The following BTBD9 variants were observed in gnomAD, a reference collection of about 807,000 sequenced individuals.
BTBD9 encodes the protein BTB/POZ domain-containing protein 9.
Under a neutral mutation model 64.3 loss-of-function variants are expected in BTBD9, and 49 were observed. That is an observed-to-expected ratio of 0.76 (90% CI 0.61 to 0.97). The LOEUF (loss-of-function observed/expected upper bound fraction) is 0.97, where lower values mean the gene tolerates loss of function less well. Among genes scored for constraint, BTBD9 ranks in the 50% least tolerant of loss-of-function variants. The pLI, the probability that BTBD9 is intolerant of heterozygous loss-of-function variation, is 0.00. For synonymous variants in BTBD9, 260 were observed against 274.7 expected (o/e 0.95, Z 0.53); for missense variants, 598 against 762.1 (o/e 0.78, Z 2.53).
chr6:38,507,455 T>C (rs1772576574), intron 6 of BTBD9, among the ~76,000 whole-genome samples: 1 of 152,196 alleles, frequency 6.6e-6, no homozygotes, highest in Non-Finnish European at 1.5e-5. Context: ...AACAATTGCC[T>C]ATTCATGATT....
chr6:38,290,262 T>G lies in BTBD9; in HGVS notation c.1265-1801A>C, dbSNP rs116728256. On this transcript the variant is annotated intron_variant, in intron 7 of 10. Transcript: ENST00000481247. ...GCAACAAGTAAAAACACCGGTGAAA[T>G]TACCTGTAAGGACAGTTTCCTGGCA... Among the ~76,000 whole-genome samples the G allele has an allele frequency of 6.0e-3, 902 of 151,006 alleles. 11 individuals are homozygous for G. Among genetic ancestry groups the G allele is most frequent in the African/African-American group, 0.018 (752 of 41,106 alleles).
At chr6:38,605,609 G>T (rs114264893) in intron 1 of BTBD9, among the ~76,000 whole-genome samples, 122 of 152,206 alleles carry the variant, frequency 8.0e-4, no homozygotes, top group Non-Finnish European at 1.5e-3. Context: ...TTATAAAAAG[G>T]TTCCCACAGT....
intron 9 of BTBD9, among the ~76,000 whole-genome samples, chr6:38,245,588 T>G (rs995016881): frequency 1.3e-5 from 2 of 152,160 alleles, no homozygotes; most frequent in African/African-American, 4.8e-5. Flanking sequence ...AATTCTGTTC[T>G]TGATTCAGAG....
chr6:38,200,729 G>A lies in BTBD9; in HGVS notation c.1563-8132C>T, dbSNP rs367970393. On this transcript the variant is annotated intron_variant, in intron 9 of 10. Coordinates refer to ENST00000481247, the MANE Select transcript of BTBD9 (RefSeq NM_001099272.2). ...ATTGAATCAGGAAGAAATAGAAAAC[G>A]TGAACAGATCAATAATGAGTAGTGA... is the stretch of plus-strand genomic sequence containing the variant. Among the ~76,000 whole-genome samples, 105 of 152,220 alleles carry A rather than the reference G, an allele frequency of 6.9e-4. No homozygotes were observed. The South Asian group carries it at 0.021, about 31-fold the overall frequency.
chr6:38,510,849 G>C (rs1284271562), intron 6 of BTBD9, among the ~76,000 whole-genome samples: 1 of 152,122 alleles, frequency 6.6e-6, no homozygotes, highest in Non-Finnish European at 1.5e-5. Flanking sequence ...AACGTGCATG[G>C]AGCTGTCATC....
chr6:38,304,065 CAG>C (rs1762529477), intron 7 of BTBD9, among the ~76,000 whole-genome samples: 1 of 150,752 alleles, frequency 6.6e-6, no homozygotes, highest in African/African-American at 2.4e-5. Context: ...ACGAGCCAAA[CAG>C]AGACACAACC....
intron 6 of BTBD9, among the ~76,000 whole-genome samples, chr6:38,363,209 C>T (rs1317923451): frequency 6.6e-6 from 1 of 152,186 alleles, no homozygotes; most frequent in African/African-American, 2.4e-5. Flanking sequence ...CTGTTTCAGC[C>T]TCCAGCATAG....
chr6:38,314,930 A>G (rs1384001094), intron 7 of BTBD9, among the ~76,000 whole-genome samples: 1 of 152,234 alleles, frequency 6.6e-6, no homozygotes, highest in East Asian at 1.9e-4. Context: ...GCTCACTGCA[A>G]GCTCCACCTC....
intron 10 of BTBD9, among the ~76,000 whole-genome samples, chr6:38,185,645 C>G (rs1283768347): frequency 6.6e-6 from 1 of 152,138 alleles, no homozygotes; most frequent in East Asian, 1.9e-4. Flanking sequence ...ATAGAAATAC[C>G]ATGTGGGACA....
intron 6 of BTBD9, among the ~76,000 whole-genome samples, chr6:38,471,565 AAGCAGGGATG>A (rs1250656202): frequency 6.6e-6 from 1 of 151,342 alleles, no homozygotes; most frequent in African/African-American, 2.4e-5. Context: ...TTGTTGTTTT[AAGCAGGGATG>A]AGTTCTCACT....
At chr6:38,236,805 T>G (rs16890465) in intron 9 of BTBD9, among the ~76,000 whole-genome samples, 1 of 152,128 alleles carries the variant, frequency 6.6e-6, no homozygotes, top group Non-Finnish European at 1.5e-5. Context: ...CAGTTCCGCA[T>G]GCAGAATAAA....
intron 8 of BTBD9, among the ~76,000 whole-genome samples, chr6:38,277,479 G>A (rs4711530): frequency 0.021 from 3,186 of 151,958 alleles, 131 homozygotes; most frequent in East Asian, 0.091. Context: ...GATTACAGGC[G>A]CCCACCACCA....
chr6:38,210,574 GTGTCTGCA>G (rs1227473947), intron 9 of BTBD9, among the ~76,000 whole-genome samples: 2 of 136,802 alleles, frequency 1.5e-5, no homozygotes, highest in East Asian at 4.5e-4. Flanking sequence ...GTGTGTGTGT[GTGTCTGCA>G]TCTGGGCAAG....
At chr6:38,274,170 GCTCT>G (rs1212571259) in intron 8 of BTBD9, among the ~76,000 whole-genome samples, 2 of 152,076 alleles carry the variant, frequency 1.3e-5, no homozygotes, top group South Asian at 2.1e-4. Context: ...TCATGATTTG[GCTCT>G]CTGTTTGTCT....
intron 7 of BTBD9, among the ~76,000 whole-genome samples, chr6:38,298,855 C>CTTTTTT (rs113386216): frequency 5.9e-4 from 86 of 146,194 alleles, no homozygotes; most frequent in East Asian, 2.2e-3. Context: ...GTATTTCATT[C>CTTTTTT]TTTTTTTTTT....
At chr6:38,539,658 G>T (rs950976351) in intron 6 of BTBD9, among the ~76,000 whole-genome samples, 1 of 152,138 alleles carries the variant, frequency 6.6e-6, no homozygotes, top group Admixed American at 6.5e-5. Flanking sequence ...AGAATAATAT[G>T]AAAAACGACC....
intron 6 of BTBD9, among the ~76,000 whole-genome samples, chr6:38,498,101 C>T (rs1301752749): frequency 3.3e-5 from 5 of 152,194 alleles, no homozygotes; most frequent in African/African-American, 7.2e-5. Flanking sequence ...CAACCAACAT[C>T]CAAGTGATTC....
chr6:38,374,748 T>C (rs1212129321), intron 6 of BTBD9, among the ~76,000 whole-genome samples: 3 of 152,104 alleles, frequency 2.0e-5, no homozygotes, highest in African/African-American at 7.2e-5. Context: ...ACGAAATCAA[T>C]ACCTTTTATG....
chr6:38,594,550 A>G (rs914594428), intron 2 of BTBD9, among the ~76,000 whole-genome samples: 1 of 152,214 alleles, frequency 6.6e-6, no homozygotes, highest in Non-Finnish European at 1.5e-5. Context: ...TGAACTAATG[A>G]GATACTCTGA....
Sources: gnomAD v4.1 joint callset for allele counts (sites outside exome capture counted in the v4.1 genomes callset) on GRCh38, gnomAD v4.1.1 for gene constraint, MANE v1.5 for transcripts, NCBI Gene and HGNC (gene_info 2026-07-23, HGNC 2026-07-21) for gene names.